Variants in GATA4 observed in about 807,000 individuals in gnomAD.
GATA4 encodes the protein GATA binding protein 4, also known as transcription factor GATA-4.
A neutral mutation model predicts 37.9 loss-of-function variants in GATA4; 7 were observed. The observed-to-expected ratio is 0.18, with a 90% confidence interval of 0.11 to 0.35. GATA4 has a LOEUF of 0.35. GATA4 is among the 10% of genes least tolerant of loss of function. The probability of loss-of-function intolerance (pLI) is 1.00; values close to 1 mark genes in which losing one functional copy is unlikely to be tolerated. For missense variants in GATA4, 647 were observed against 653.0 expected (o/e 0.99, Z 0.10); for synonymous variants, 372 against 292.6 (o/e 1.27, Z -2.77).
chr8:11,721,762 C>A (rs746537745), intron 2 of GATA4, among the ~76,000 whole-genome samples: 3 of 152,116 alleles, frequency 2.0e-5, no homozygotes, highest in Non-Finnish European at 4.4e-5. Flanking sequence ...TGTAATTCTG[C>A]CCTCTTCTTG....
At chr8:11,685,765 C>A (rs1372313665) in intron 1 of GATA4, among the ~76,000 whole-genome samples, 1 of 152,160 alleles carries the variant, frequency 6.6e-6, no homozygotes, top group African/African-American at 2.4e-5. Flanking sequence ...GTAACTTTTC[C>A]CTCTTCCACG....
chr8:11,702,935 T>A (rs1166355900), upstream of GATA4, among the ~76,000 whole-genome samples: 1 of 152,126 alleles, frequency 6.6e-6, no homozygotes, highest in Non-Finnish European at 1.5e-5. This position sits in a 1 kb window ranked among gnomAD's most constrained non-coding sequence, Gnocchi z 4.4. Context: ...TCCCCAGGAG[T>A]TGGCCACGAT....
upstream of GATA4, among the ~76,000 whole-genome samples, chr8:11,688,474 T>G (rs1484541835): frequency 6.6e-6 from 1 of 152,180 alleles, no homozygotes; most frequent in Non-Finnish European, 1.5e-5. Flanking sequence ...TTTTTAAACC[T>G]ACTGAGGTGA....
chr8:11,718,123 T>C (rs1800516726), intron 2 of GATA4, among the ~76,000 whole-genome samples: 1 of 152,152 alleles, frequency 6.6e-6, no homozygotes, highest in South Asian at 2.1e-4. Flanking sequence ...ACAATAATGA[T>C]GATTTTAGTA....
rs1339545089 is a variant in GATA4, at chr8:11,708,748, C to A, written c.436C>A (p.Arg146Ser). The A allele has an allele frequency of 7.4e-7, 1 of 1,349,914 alleles. No individual in the cohort carries two copies. 83.6% of individuals were successfully genotyped at this position (1,349,914 alleles called of 1,614,324 possible). A position where few individuals can be genotyped will look rare whatever the true frequency, so the allele number is the denominator to read the frequency against. Residue 146 changes from arginine to serine, a missense_variant, in exon 2 of 7, where the codon CGC (arginine) becomes AGC (serine). Physicochemically the swap from Arg to Ser is moderately radical, Grantham distance 110. Around this residue, in one of 5 missense-constraint regions of GATA4, gnomAD observed 379 missense variants for 334.5 expected, o/e 1.13. Coordinates refer to ENST00000532059, the MANE Select transcript of GATA4 (RefSeq NM_001308093.3). The surrounding 1 kb of genome is among the most constrained non-coding windows in gnomAD (Gnocchi z 6.7). ...GGAAGAGLAG[R>S]EQYGRAGFAG... ...AGCGGCGGGTGCGGGCCTGGCGGGC[C>A]GCGAGCAGTACGGGCGCGCCGGCTT...
At chr8:11,727,503 G>C (rs565377002) in intron 2 of GATA4, among the ~76,000 whole-genome samples, 1 of 152,310 alleles carries the variant, frequency 6.6e-6, no homozygotes, top group Non-Finnish European at 1.5e-5. Context: ...AGAGGCACTA[G>C]AGTCTAGTAA....
intron 2 of GATA4, among the ~76,000 whole-genome samples, chr8:11,716,606 G>C (rs893863349): frequency 2.6e-5 from 4 of 152,226 alleles, no homozygotes; most frequent in Middle Eastern, 3.4e-3. Context: ...ATCAGCAATG[G>C]GCGGACACCC....
chr8:11,705,739 C>T (rs965465343), intron 1 of GATA4, among the ~76,000 whole-genome samples: 4 of 152,176 alleles, frequency 2.6e-5, no homozygotes, highest in African/African-American at 9.7e-5. Flanking sequence ...TTCTGTTGTT[C>T]TAGTAATCCA....
intron 4 of GATA4, among the ~76,000 whole-genome samples, chr8:11,752,569 G>C (rs749984071): frequency 3.3e-5 from 5 of 152,202 alleles, no homozygotes; most frequent in Non-Finnish European, 5.9e-5. Flanking sequence ...CACAACATGT[G>C]GGAATTATGG....
intron 4 of GATA4, among the ~76,000 whole-genome samples, chr8:11,753,425 A>G (rs929473594): frequency 3.9e-5 from 6 of 152,118 alleles, no homozygotes. Context: ...GCTTAACACT[A>G]CAGAGCAATA....
At chr8:11,738,603 C>CTT (rs1423883262) in intron 2 of GATA4, among the ~76,000 whole-genome samples, 1 of 152,176 alleles carries the variant, frequency 6.6e-6, no homozygotes, top group Non-Finnish European at 1.5e-5. Flanking sequence ...AGTGAATATC[C>CTT]TTGTATATAA....
At chr8:11,752,189 A>C (rs1802335600) in intron 4 of GATA4, among the ~76,000 whole-genome samples, 1 of 152,218 alleles carries the variant, frequency 6.6e-6, no homozygotes. Context: ...ACCCCATACT[A>C]TGAGTGTCGA....
In GATA4 at chr8:11,708,531, G is replaced by A; in HGVS notation, c.219G>A (p.Gly73=). Residue 73 remains glycine (G), a synonymous_variant, in exon 2 of 7, where the codon GGG becomes GGA. Transcript: ENST00000532059. The surrounding 1 kb of genome is among the most constrained non-coding windows in gnomAD (Gnocchi z 6.7). ...GCGCCTCGGGCGGCAGCTCCGGTGG[G>A]GCCGCGTCTGGTGCGGGGCCCGGGA... ...SGGASGGSSG[G]AASGAGPGTQ... is the part of the protein sequence containing the mutation. The A allele has an allele frequency of 2.1e-6, 3 of 1,445,748 alleles. No individual in the cohort carries two copies. Among genetic ancestry groups the A allele is most frequent in the Non-Finnish European group, 2.7e-6 (3 of 1,106,824 alleles). The allele number at this position is 1,445,748 out of a possible 1,614,324, so 89.6% of individuals were successfully genotyped here.
chr8:11,699,866 A>T (rs1799616455), upstream of GATA4, among the ~76,000 whole-genome samples: 1 of 152,246 alleles, frequency 6.6e-6, no homozygotes, highest in Non-Finnish European at 1.5e-5. Context: ...TTATTTTTTA[A>T]ATGTTAAACA....
At position 11,709,757 on chromosome 8, in the gene GATA4, G is replaced by A. The variant is rs561595134; in HGVS notation, c.616+829G>A. Among the ~76,000 whole-genome samples, 20 of 152,316 alleles carry A rather than the reference G, an allele frequency of 1.3e-4. No homozygotes were observed. The highest frequency in any genetic ancestry group is 4.8e-4 in the African/African-American group (20 of 41,570). On this transcript the variant is annotated intron_variant, in intron 2 of 6. Transcript: ENST00000532059. This position sits in a 1 kb window ranked among gnomAD's most constrained non-coding sequence, Gnocchi z 4.3. ...GTAGGTTCCATGCAGTGTTTCCATCGGATGTCAGACGGGGAGGGACGGCAA... is the reference window on the plus strand; with the variant it reads ...GTAGGTTCCATGCAGTGTTTCCATCAGATGTCAGACGGGGAGGGACGGCAA...
chr8:11,710,427 G>T (rs1800125721), intron 2 of GATA4, among the ~76,000 whole-genome samples: 1 of 152,016 alleles, frequency 6.6e-6, no homozygotes, highest in East Asian at 1.9e-4. Flanking sequence ...GTCCTCTCCA[G>T]GGCCCTCTGG....
chr8:11,687,764 A>G (rs1799185620), upstream of GATA4, among the ~76,000 whole-genome samples: 1 of 152,182 alleles, frequency 6.6e-6, no homozygotes, highest in Non-Finnish European at 1.5e-5. Flanking sequence ...ACATGAGCTG[A>G]TATGTAATGG....
At chr8:11,720,627 G>C (rs1419967227) in intron 2 of GATA4, among the ~76,000 whole-genome samples, 2 of 152,062 alleles carry the variant, frequency 1.3e-5, no homozygotes, top group Admixed American at 6.5e-5. Flanking sequence ...TTAGATACCA[G>C]CATCTGCTGT....
intron 4 of GATA4, among the ~76,000 whole-genome samples, chr8:11,752,892 G>A (rs1055706666): frequency 2.6e-5 from 4 of 152,088 alleles, no homozygotes; most frequent in African/African-American, 9.7e-5. Context: ...TAGCAAAAAT[G>A]GAGGAAAGAA....
Sources: gnomAD v4.1 joint callset for allele counts (sites outside exome capture counted in the v4.1 genomes callset) on GRCh38, gnomAD v4.1.1 for gene constraint, gnomAD v4.1.1 regional missense constraint, Gnocchi (gnomAD v3.1) non-coding constraint, MANE v1.5 for transcripts, NCBI Gene and HGNC (gene_info 2026-07-23, HGNC 2026-07-21) for gene names.